PIP: variants seen among roughly 807,000 people sequenced by gnomAD.
The protein encoded by PIP is prolactin-inducible protein.
In PIP, 9 loss-of-function variants were observed where a neutral mutation model predicts 12.8. The ratio of observed to expected loss-of-function variants is 0.70; its 90% confidence interval spans 0.42 to 1.23. PIP has a LOEUF of 1.23. Ranked by LOEUF, PIP falls within the 50% of genes most tolerant of loss-of-function variation. The pLI is 0.00. For synonymous variants in PIP, 60 were observed against 66.1 expected (o/e 0.91, Z 0.45); for missense variants, 172 against 179.5 (o/e 0.96, Z 0.24).
intron 2 of PIP, among the ~76,000 whole-genome samples, chr7:143,135,807 C>A (rs915795953): frequency 1.3e-5 from 2 of 152,032 alleles, no homozygotes; most frequent in East Asian, 3.8e-4. Flanking sequence ...GAAGTGGACT[C>A]TTGTTCCAGC....
chr7:143,139,273 CG>C, intron 3 of PIP, 84 bp downstream of exon 3: 2 of 923,256 alleles, frequency 2.2e-6, no homozygotes, highest in Non-Finnish European at 3.6e-6. Context: ...GGCTGCGAAC[CG>C]AGCAGGACCA....
intron 2 of PIP, among the ~76,000 whole-genome samples, chr7:143,137,854 C>T (rs529920353): frequency 7.3e-5 from 11 of 151,258 alleles, no homozygotes; most frequent in East Asian, 5.8e-4. Context: ...GAGCCACGTT[C>T]GCACCATTGC....
rs1563016216 is a variant in PIP, at chr7:143,135,282, T to C, written c.184T>C (p.Leu62=). 3 of 1,572,938 alleles carry C rather than the reference T, an allele frequency of 1.9e-6. No homozygotes were observed. In the South Asian group the frequency reaches 3.3e-5, roughly 17 times the overall value. Residue 62 remains leucine (L), a synonymous_variant, in exon 2 of 4, where the codon TTG becomes CTG. Coordinates refer to ENST00000291009, the MANE Select transcript of PIP (RefSeq NM_002652.3). ...VTAVLAVQTE[L]KECMVVKTYL... Reference sequence around the variant, plus strand: ...TGCAGTGCTTGCAGTTCAAACAGAATTGAAAGAATGCATGGTGGTAAGTAG... The same window carrying C: ...TGCAGTGCTTGCAGTTCAAACAGAACTGAAAGAATGCATGGTGGTAAGTAG...
At chr7:143,132,684 T>C (rs1203493617) in intron 1 of PIP, among the ~76,000 whole-genome samples, 1 of 152,138 alleles carries the variant, frequency 6.6e-6, no homozygotes, top group East Asian at 1.9e-4. Context: ...GAGATTGAGC[T>C]AGACTGGCAG....
intron 1 of PIP, among the ~76,000 whole-genome samples, chr7:143,132,576 G>C (rs186324364): frequency 1.3e-5 from 2 of 152,278 alleles, no homozygotes; most frequent in East Asian, 3.9e-4. Flanking sequence ...CCTCCTAGAA[G>C]AGAAGCATAA....
At chr7:143,137,581 C>T (rs56147244) in intron 2 of PIP, among the ~76,000 whole-genome samples, 21,153 of 151,920 alleles carry the variant, frequency 0.14, 1,986 homozygotes, top group Non-Finnish European at 0.19. Flanking sequence ...TGATTCATGA[C>T]GATATGTTGT....
rs757008268 is a variant in PIP at position 143,139,657 on chromosome 7, G to C, written c.*15G>C. On this transcript the variant is annotated 3_prime_UTR_variant, in exon 4 of 4. Transcript: ENST00000291009. The stretch of plus-strand genomic sequence containing the variant: ...AGGTAGAATAATGGAAGCCCTGTCT[G>C]TTTGCCACACCCAGGTGATTTCCTC... 7.5e-6 allele frequency: 12 copies of C among 1,601,906 alleles called. No individual in the cohort carries two copies. The Admixed American group carries it at 8.4e-5, about 11-fold the overall frequency.
intron 1 of PIP, among the ~76,000 whole-genome samples, chr7:143,134,218 ATATATATATATATATAC>A (rs1563015833): frequency 7.0e-5 from 8 of 114,294 alleles, no homozygotes; most frequent in Admixed American, 1.7e-4. Context: ...ATATATATAT[ATATATATATATATATAC>A]CACAGTTTCT....
chr7:143,136,248 C>T (rs1799308834), intron 2 of PIP, among the ~76,000 whole-genome samples: 1 of 152,064 alleles, frequency 6.6e-6, no homozygotes, highest in Non-Finnish European at 1.5e-5. Flanking sequence ...ACCCATGCAT[C>T]TCCCATCTCC....
intron 2 of PIP, among the ~76,000 whole-genome samples, chr7:143,138,806 C>T (rs966704405): frequency 3.9e-5 from 6 of 152,208 alleles, no homozygotes; most frequent in African/African-American, 9.6e-5. Context: ...CCTGGATGAG[C>T]TCTCCTTGCC....
chr7:143,139,585 T>C lies in PIP; in HGVS notation c.384T>C (p.Ala128=). The C allele has an allele frequency of 6.2e-7, 1 of 1,611,866 alleles. No individual in the cohort carries two copies. The highest frequency in any genetic ancestry group is 8.5e-7 in the Non-Finnish European group (1 of 1,177,954). The change falls in exon 4 of 4, where the codon GCT becomes GCC. Residue 128 remains alanine, a synonymous_variant. Coordinates refer to ENST00000291009, the MANE Select transcript of PIP (RefSeq NM_002652.3). ...RELGICPDDA[A]VIPIKNNRFY... ...TAGGCATCTGCCCTGATGATGCTGC[T>C]GTAATCCCCATCAAAAACAACCGGT...
At chr7:143,136,763 G>C (rs961357837) in intron 2 of PIP, among the ~76,000 whole-genome samples, 3 of 151,946 alleles carry the variant, frequency 2.0e-5, no homozygotes, top group Non-Finnish European at 4.4e-5. Flanking sequence ...ATTAATAAAA[G>C]TATGCTTTTA....
At chr7:143,135,388 A>G (rs2116568738) in intron 2 of PIP, 89 bp downstream of exon 2, 1 of 615,538 alleles carries the variant, frequency 1.6e-6, no homozygotes, top group Non-Finnish European at 3.0e-6. Context: ...AATAATGTAC[A>G]GTGTACTTAA....
Position 143,139,673 on chromosome 7 carries a change from T to C in PIP, c.*31T>C. The C allele has an allele frequency of 6.3e-7, 1 of 1,586,002 alleles. No homozygotes were observed. On this transcript the variant is annotated 3_prime_UTR_variant, in exon 4 of 4. Transcript: ENST00000291009. ...GCCCTGTCTGTTTGCCACACCCAGGTGATTTCCTCTAAAGAAACTTGGCTG... is the reference window on the plus strand; with the variant it reads ...GCCCTGTCTGTTTGCCACACCCAGGCGATTTCCTCTAAAGAAACTTGGCTG...
chr7:143,138,947 C>T (rs1799336875), intron 2 of PIP, 128 bp from the exon 3 acceptor site: 1 of 649,792 alleles, frequency 1.5e-6, no homozygotes, highest in Non-Finnish European at 2.8e-6. Context: ...CAACAGTAGA[C>T]TCCCCCTTGC....
chr7:143,137,709 G>A (rs1799324278), intron 2 of PIP, among the ~76,000 whole-genome samples: 1 of 151,998 alleles, frequency 6.6e-6, no homozygotes. Flanking sequence ...AGACCAGCTT[G>A]GCCAACATGG....
At chr7:143,132,234 C>T in intron 1 of PIP, 23 bp downstream of exon 1, 1 of 1,606,332 alleles carries the variant, frequency 6.2e-7, no homozygotes, top group South Asian at 1.1e-5. Flanking sequence ...CTTCTCCTCC[C>T]CACAAAAAAA....
rs1182164511 is a variant in PIP, at chr7:143,139,096, A to G, written c.223A>G (p.Ser75Gly). The part of the protein sequence containing the change: ...CMVVKTYLIS[S>G]IPLQGAFNYK... ...CCAGGTTAAAACTTACCTCATTAGC[A>G]GCATCCCTCTACAAGGTGCATTTAA... The change falls in exon 3 of 4, where the codon AGC (serine) becomes GGC (glycine). Residue 75 changes from serine to glycine, a missense_variant. Physicochemically the swap from Ser to Gly is moderately conservative, Grantham distance 56 (BLOSUM62 0). Coordinates refer to ENST00000291009, the MANE Select transcript of PIP (RefSeq NM_002652.3). The G allele has an allele frequency of 1.3e-6, 2 of 1,584,730 alleles. No homozygotes were observed. The highest frequency in any genetic ancestry group is 1.7e-6 in the Non-Finnish European group (2 of 1,152,832).
intron 2 of PIP, among the ~76,000 whole-genome samples, chr7:143,136,548 C>T (rs1260905028): frequency 6.6e-6 from 1 of 151,980 alleles, no homozygotes; most frequent in Non-Finnish European, 1.5e-5. Context: ...GGGGTAGGAG[C>T]AAGGCTGAAT....
Sources: allele counts gnomAD v4.1 joint callset (sites outside exome capture counted in the v4.1 genomes callset), GRCh38; gene constraint gnomAD v4.1.1; transcripts MANE v1.5; gene names NCBI Gene and HGNC (gene_info 2026-07-23, HGNC 2026-07-21).